Variants in HSP90B1 observed in about 807,000 individuals in gnomAD.
HSP90B1 encodes heat shock protein 90 beta family member 1.
Under a neutral mutation model 100.4 loss-of-function variants are expected in HSP90B1, and 27 were observed. The observed-to-expected ratio is 0.27, with a 90% CI of 0.20 to 0.37. The LOEUF (loss-of-function observed/expected upper bound fraction) is 0.37, where lower values mean the gene tolerates loss of function less well. Among genes scored for constraint, HSP90B1 ranks in the 10% least tolerant of loss-of-function variants. The pLI is 1.00. For missense variants in HSP90B1, 678 were observed against 960.5 expected (o/e 0.71, Z 3.89); for synonymous variants, 304 against 330.8 (o/e 0.92, Z 0.88).
intron 5 of HSP90B1, 50 bp downstream of exon 5, chr12:103,934,337 T>C (rs117759857): frequency 1.1e-5 from 15 of 1,400,948 alleles, no homozygotes; most frequent in Non-Finnish European, 1.4e-5. Context: ...GTGAGGATCT[T>C]GACTCTCCAG....
chr12:103,932,492 C>G, intron 3 of HSP90B1, 74 bp downstream of exon 3: 1 of 1,323,834 alleles, frequency 7.6e-7, no homozygotes, highest in South Asian at 1.4e-5. Flanking sequence ...GCTTAATTTA[C>G]TGCAAAAGTA....
At chr12:103,934,325 T>A in intron 5 of HSP90B1, 38 bp downstream of exon 5, 2 of 1,479,240 alleles carry the variant, frequency 1.4e-6, no homozygotes, top group Non-Finnish European at 1.9e-6. Flanking sequence ...TTAATAGTCA[T>A]GGTGAGGATC....
chr12:103,940,706 G>A (rs1029239992), intron 8 of HSP90B1, among the ~76,000 whole-genome samples: 1 of 152,070 alleles, frequency 6.6e-6, no homozygotes, highest in African/African-American at 2.4e-5. Context: ...ACAAAAAAAG[G>A]AACCATGAAA....
intron 14 of HSP90B1, among the ~76,000 whole-genome samples, chr12:103,946,077 TTAAA>T (rs894462741): frequency 6.6e-6 from 1 of 152,230 alleles, no homozygotes; most frequent in Admixed American, 6.5e-5. Flanking sequence ...CCCATGTACT[TTAAA>T]TAATCTATAG....
At chr12:103,931,761 C>A in intron 2 of HSP90B1, 138 bp downstream of exon 2, 1 of 700,304 alleles carries the variant, frequency 1.4e-6, no homozygotes, top group African/African-American at 1.8e-5. Flanking sequence ...GAGTTGTGTG[C>A]ATACATACCT....
chr12:103,930,565 G>T lies in HSP90B1; in HGVS notation c.49+1G>T. ...CTCTGCTGCGTCCTGCTGACCTTCG[G>T]TGAGTGATTCTGGAGGAGCAGACGT... On this transcript the variant is annotated splice_donor_variant, in intron 1 of 17. Transcript: ENST00000299767. LOFTEE classifies it high-confidence loss of function. This position sits in a 1 kb window ranked among gnomAD's most constrained non-coding sequence, Gnocchi z 4.4. 6.2e-7 allele frequency: 1 copy of T among 1,609,330 alleles called. No individual in the cohort carries two copies. Among genetic ancestry groups the T allele is most frequent in the Non-Finnish European group, 8.5e-7 (1 of 1,178,356 alleles).
In HSP90B1 at chr12:103,946,695, A is replaced by G; in HGVS notation, c.2105A>G (p.Lys702Arg). The G allele has an allele frequency of 6.2e-7, 1 of 1,613,888 alleles. No individual in the cohort carries two copies. Among genetic ancestry groups the G allele is most frequent in the Non-Finnish European group, 8.5e-7 (1 of 1,179,730 alleles). Residue 702 changes from lysine (K) to arginine (R), a missense_variant and splice_region_variant, in exon 15 of 18, where the codon AAG becomes AGG. Coordinates refer to ENST00000299767, the MANE Select transcript of HSP90B1 (RefSeq NM_003299.3). Reference protein sequence around the residue: ...PLIRDMLRRIKEDEDDKTVLD... With the variant: ...PLIRDMLRRIREDEDDKTVLD... ...ATCAGAGACATGCTTCGACGAATTA[A>G]GGTAGTATTAAAGCAGTCCTCTTGC...
chr12:103,938,170 C>CAA (rs34582471), intron 6 of HSP90B1, 170 bp from the exon 7 acceptor site: 2,072 of 364,978 alleles, frequency 5.7e-3, no homozygotes, highest in East Asian at 0.015. Context: ...GACTCTGTCT[C>CAA]AAAAAAAAAA....
In HSP90B1 at chr12:103,930,473, C is replaced by A. The variant is rs369259960; in HGVS notation, c.-43C>A. 1 of 1,570,626 alleles carries A rather than the reference C, an allele frequency of 6.4e-7. No homozygotes were observed. Among genetic ancestry groups the A allele is most frequent in the Non-Finnish European group, 8.6e-7 (1 of 1,156,394 alleles). The stretch of plus-strand genomic sequence containing the variant: ...ACCCAGGGGTGGGGGGTGGAGGCGG[C>A]TCCTGCGATCGAAGGGGACTTGAGA... On this transcript the variant is annotated 5_prime_UTR_variant, in exon 1 of 18. Transcript: ENST00000299767. This position sits in a 1 kb window ranked among gnomAD's most constrained non-coding sequence, Gnocchi z 4.4.
chr12:103,947,788 T>G lies in HSP90B1; in HGVS notation c.*126T>G. 1.2e-6 allele frequency: 1 copy of G among 827,062 alleles called. No homozygotes were observed. Among genetic ancestry groups the G allele is most frequent in the South Asian group, 1.5e-5 (1 of 68,236 alleles). The allele number at this position is 827,062 out of a possible 1,614,324, so 51.2% of individuals were successfully genotyped here. ...CTCCCCTGCACTGTAAAATGTGGGA[T>G]TATGGGTCACAGGAAAAAGTGGGTT... On this transcript the variant is annotated 3_prime_UTR_variant, in exon 18 of 18. Transcript: ENST00000299767.
At chr12:103,947,146 T>A (rs1458242169) in intron 16 of HSP90B1, among the ~76,000 whole-genome samples, 165 bp from the exon 17 acceptor site, 2 of 152,212 alleles carry the variant, frequency 1.3e-5, no homozygotes, top group African/African-American at 4.8e-5. Flanking sequence ...CCTCTTTCCT[T>A]TTTGCCTGCC....
chr12:103,938,153 A>G, intron 6 of HSP90B1, 187 bp from the exon 7 acceptor site: 1 of 455,386 alleles, frequency 2.2e-6, no homozygotes, highest in Non-Finnish European at 3.9e-6. Context: ...CCTAGGTGAC[A>G]AAGCAAGACT....
Position 103,943,395 on chromosome 12 carries a change from C to T in HSP90B1, c.1890+76C>T. The T allele has an allele frequency of 7.3e-7, 1 of 1,375,832 alleles. No homozygotes were observed. Among genetic ancestry groups the T allele is most frequent in the Non-Finnish European group, 1.0e-6 (1 of 977,138 alleles). The allele number at this position is 1,375,832 out of a possible 1,614,324, so 85.2% of individuals were successfully genotyped here. ...AAAGTTATTTTGTGAACAAATTAAG[C>T]TGCAGCTGGTTACTTTGTAACCATT... On this transcript the variant is annotated intron_variant, in intron 13 of 17. Coordinates refer to ENST00000299767, the MANE Select transcript of HSP90B1 (RefSeq NM_003299.3). This position sits in a 1 kb window ranked among gnomAD's most constrained non-coding sequence, Gnocchi z 5.3.
In HSP90B1 at chr12:103,930,412, T is replaced by C. The variant is rs1446142963; in HGVS notation, c.-104T>C. The C allele has an allele frequency of 2.9e-6, 3 of 1,046,446 alleles. No homozygotes were observed. Among genetic ancestry groups the C allele is most frequent in the Non-Finnish European group, 4.1e-6 (3 of 734,760 alleles). 64.8% of individuals were successfully genotyped at this position (1,046,446 alleles called of 1,614,324 possible). ...GCGGCCCGACCTGCTTGCGGTGTAG[T>C]GGGCGGACCGCGCGGCTGGAGGTGT... is the stretch of plus-strand genomic sequence containing the variant. On this transcript the variant is annotated 5_prime_UTR_variant, in exon 1 of 18. Transcript: ENST00000299767. The surrounding 1 kb of genome is among the most constrained non-coding windows in gnomAD (Gnocchi z 4.4).
intron 14 of HSP90B1, among the ~76,000 whole-genome samples, chr12:103,945,109 T>C (rs1870189259): frequency 1.3e-5 from 2 of 152,148 alleles, no homozygotes; most frequent in South Asian, 4.1e-4. Context: ...TGGTCACAGG[T>C]AGACATAACT....
intron 2 of HSP90B1, 129 bp from the exon 3 acceptor site, chr12:103,932,148 T>C (rs1869784418): frequency 3.0e-6 from 2 of 658,040 alleles, no homozygotes; most frequent in South Asian, 4.7e-5. Flanking sequence ...ATATCAGTTA[T>C]ATTTTATAAA....
intron 5 of HSP90B1, among the ~76,000 whole-genome samples, chr12:103,936,389 C>G (rs1314704426): frequency 2.0e-5 from 3 of 152,106 alleles, no homozygotes; most frequent in Non-Finnish European, 4.4e-5. Context: ...TCCCTATAAT[C>G]CCAGCACCTC....
At position 103,941,897 on chromosome 12, in the gene HSP90B1, G is replaced by A. The variant is rs1870089615; in HGVS notation, c.1374G>A (p.Lys458=). ...CTCTTCAGCAACATAAACTGCTTAA[G>A]GTAAGTGTCTCTGGGAAGAAACTCT... ...RETLQQHKLL[K]VIRKKLVRKT... is the part of the protein sequence containing the mutation. The change falls in exon 11 of 18, where the codon AAG becomes AAA. Residue 458 remains lysine (K), a splice_region_variant and synonymous_variant. Coordinates refer to ENST00000299767, the MANE Select transcript of HSP90B1 (RefSeq NM_003299.3). 1.2e-6 allele frequency: 2 copies of A among 1,612,090 alleles called. No homozygotes were observed. Among genetic ancestry groups the A allele is most frequent in the African/African-American group, 1.3e-5 (1 of 74,880 alleles).
At chr12:103,936,557 G>A (rs921075218) in intron 5 of HSP90B1, among the ~76,000 whole-genome samples, 19 of 151,538 alleles carry the variant, frequency 1.3e-4, no homozygotes, top group Admixed American at 9.2e-4. Context: ...TGAGGTAGGA[G>A]GATTGCTTGA....
Sources: allele counts gnomAD v4.1 joint callset (sites outside exome capture counted in the v4.1 genomes callset), GRCh38; gene constraint gnomAD v4.1.1; non-coding constraint Gnocchi (gnomAD v3.1); transcripts MANE v1.5; gene names NCBI Gene and HGNC (gene_info 2026-07-23, HGNC 2026-07-21).